CENPF: variants seen among roughly 807,000 people sequenced by gnomAD.
CENPF encodes the protein AH antigen.
Under a neutral mutation model 307.3 loss-of-function variants are expected in CENPF, and 214 were observed. That is an observed-to-expected ratio of 0.70 (90% CI 0.62 to 0.78). The LOEUF (loss-of-function observed/expected upper bound fraction) is 0.78, where lower values mean the gene tolerates loss of function less well. Ranked by LOEUF, CENPF falls within the 30% of genes least tolerant of loss-of-function variation. The pLI, the probability that CENPF is intolerant of heterozygous loss-of-function variation, is 0.00. For synonymous variants in CENPF, 1,259 were observed against 1,270.6 expected, an observed-to-expected ratio of 0.99 and a Z score of 0.19; for missense variants, 3,401 against 3,483.9, an observed-to-expected ratio of 0.98 and a Z score of 0.60.
In CENPF at chr1:214,664,006, T is replaced by A. The variant is rs1311546843; in HGVS notation, c.*212T>A. On this transcript the variant is annotated 3_prime_UTR_variant, in exon 20 of 20. Transcript: ENST00000366955. ...GATCACCTGTTAGCATTGCCATTCC[T>A]CTACTGCAATGTAAATAGTATAAAG... The A allele has an allele frequency of 9.2e-6, 5 of 545,374 alleles. No individual in the cohort carries two copies. Among genetic ancestry groups the A allele is most frequent in the Non-Finnish European group, 1.3e-5 (4 of 308,228 alleles). 33.8% of individuals were successfully genotyped at this position (545,374 alleles called of 1,614,324 possible).
chr1:214,628,636 G>T (rs745464788), intron 7 of CENPF, among the ~76,000 whole-genome samples: 1 of 152,142 alleles, frequency 6.6e-6, no homozygotes, highest in Non-Finnish European at 1.5e-5. Context: ...TAGAGACGGC[G>T]TTTCACCATG....
At chr1:214,655,979 T>G (rs1265776624) in intron 17 of CENPF, among the ~76,000 whole-genome samples, 3 of 152,206 alleles carry the variant, frequency 2.0e-5, no homozygotes, top group Admixed American at 1.3e-4. Flanking sequence ...TAATGAGCCA[T>G]TCTAAGAAGA....
Position 214,637,899 on chromosome 1 carries a change from C to A in CENPF, c.1480C>A (p.His494Asn). 1 of 1,612,904 alleles carries A rather than the reference C, an allele frequency of 6.2e-7. No individual in the cohort carries two copies. Among genetic ancestry groups the A allele is most frequent in the South Asian group, 1.1e-5 (1 of 90,768 alleles). ...MKKENNLLKSHSEQKAREVCH... is the reference protein window; with the variant it reads ...MKKENNLLKSNSEQKAREVCH... ...GAAGGAAAACAACCTCCTTAAGAGTCACTCTGAGCAAAAGGCCAGAGAAGT... is the reference window on the plus strand; with the variant it reads ...GAAGGAAAACAACCTCCTTAAGAGTAACTCTGAGCAAAAGGCCAGAGAAGT... The change falls in exon 11 of 20, where the codon CAC becomes AAC. Residue 494 changes from histidine (H) to asparagine (N), a missense_variant. By Grantham distance (68) the His-to-Asn change is moderately conservative (BLOSUM62 1). Coordinates refer to ENST00000366955, the MANE Select transcript of CENPF (RefSeq NM_016343.4).
rs1222475039 is a variant in CENPF at position 214,607,720 on chromosome 1, C to T, written c.-42+4399C>T. Among the ~76,000 whole-genome samples the T allele has an allele frequency of 5.3e-5, 8 of 152,160 alleles. No homozygotes were observed. In the East Asian group the frequency reaches 1.5e-3, roughly 29 times the overall value. Reference sequence around the variant, plus strand: ...CAAAGCAGCACTGGCCCGGGCGGTGCTCAAACACCAGTGAAGGCCCCAGGC... The same window carrying T: ...CAAAGCAGCACTGGCCCGGGCGGTGTTCAAACACCAGTGAAGGCCCCAGGC... On this transcript the variant is annotated intron_variant, in intron 1 of 19. Coordinates refer to ENST00000366955, the MANE Select transcript of CENPF (RefSeq NM_016343.4).
chr1:214,641,340 C>G lies in CENPF; in HGVS notation c.3002C>G (p.Ala1001Gly). The G allele has an allele frequency of 1.9e-6, 3 of 1,611,902 alleles. No homozygotes were observed. Among genetic ancestry groups the G allele is most frequent in the Non-Finnish European group, 2.5e-6 (3 of 1,179,462 alleles). Residue 1001 changes from alanine to glycine, a missense_variant, in exon 12 of 20, where the codon GCA becomes GGA. Transcript: ENST00000366955. The stretch of plus-strand genomic sequence containing the variant: ...TTAATCCAGAAAAGTGAGAGTTTTG[C>G]AAACTATATAGATGAAAGGGAGAAA... The part of the protein sequence containing the change: ...MNLIQKSESF[A>G]NYIDEREKSI...
intron 15 of CENPF, among the ~76,000 whole-genome samples, chr1:214,652,566 C>T (rs1260015727): frequency 6.6e-6 from 1 of 151,396 alleles, no homozygotes; most frequent in Non-Finnish European, 1.5e-5. Context: ...GTCTCAGCCT[C>T]CCGAGTAGCT....
At chr1:214,662,579 C>T (rs943458715) in intron 19 of CENPF, among the ~76,000 whole-genome samples, 14 of 152,190 alleles carry the variant, frequency 9.2e-5, no homozygotes, top group African/African-American at 2.7e-4. Flanking sequence ...GTGTCTGTCA[C>T]GTAGTTACTT....
In CENPF at chr1:214,639,845, C is replaced by CG. The variant is rs1658057390; in HGVS notation, c.1583-70dup. 6.6e-6 allele frequency: 6 copies of CG among 915,694 alleles called. No individual in the cohort carries two copies. The African/African-American group carries it at 8.2e-5, about 12-fold the overall frequency. 56.7% of individuals were successfully genotyped at this position (915,694 alleles called of 1,614,324 possible). A position where few individuals can be genotyped will look rare whatever the true frequency, so the allele number is the denominator to read the frequency against. On this transcript the variant is annotated intron_variant, in intron 11 of 19. Coordinates refer to ENST00000366955, the MANE Select transcript of CENPF (RefSeq NM_016343.4). ...AGTTTGTTTGGATTTTGCCAGGGGGCGGGGGGAGGGGTTAGCGTTTCTGTA... is the reference window on the plus strand; with the variant it reads ...AGTTTGTTTGGATTTTGCCAGGGGGCGGGGGGGAGGGGTTAGCGTTTCTGTA...
At chr1:214,638,728 G>A (rs1408358233) in intron 11 of CENPF, among the ~76,000 whole-genome samples, 2 of 152,172 alleles carry the variant, frequency 1.3e-5, no homozygotes, top group Non-Finnish European at 2.9e-5. Flanking sequence ...GCTGAGGCAG[G>A]AGAATGGCAT....
At position 214,642,834 on chromosome 1, in the gene CENPF, T is replaced by G. The variant is rs757965089; in HGVS notation, c.4496T>G (p.Leu1499Arg). ...SLGDSSFYRALLEQTGDMSLL... is the reference protein window; with the variant it reads ...SLGDSSFYRARLEQTGDMSLL... ...GGAGACTCCTCCTTTTACAGAGCTC[T>G]TTTAGAACAGACAGGAGATATGTCT... The change falls in exon 12 of 20, where the codon CTT becomes CGT. Residue 1499 changes from leucine to arginine, a missense_variant. Coordinates refer to ENST00000366955, the MANE Select transcript of CENPF (RefSeq NM_016343.4). 1.4e-5 allele frequency: 23 copies of G among 1,614,034 alleles called. No individual in the cohort carries two copies. The highest frequency in any genetic ancestry group is 1.9e-5 in the Non-Finnish European group (23 of 1,179,992).
rs142718897 is a variant in CENPF at position 214,641,714 on chromosome 1, G to A, written c.3376G>A (p.Gly1126Ser). The A allele has an allele frequency of 6.3e-7, 1 of 1,579,250 alleles. No individual in the cohort carries two copies. Among genetic ancestry groups the A allele is most frequent in the Non-Finnish European group, 8.6e-7 (1 of 1,166,538 alleles). Residue 1126 changes from glycine to serine, a missense_variant, in exon 12 of 20, where the codon GGT becomes AGT. By Grantham distance (56) the Gly-to-Ser change is moderately conservative. Coordinates refer to ENST00000366955, the MANE Select transcript of CENPF (RefSeq NM_016343.4). ...DNQNNSKSEAGGLKQEIMTLK... is the reference protein window; with the variant it reads ...DNQNNSKSEASGLKQEIMTLK... ...CCAAAACAATTCTAAGAGCGAGGCT[G>A]GTGGTTTAAAGCAAGAAATCATGAC...
chr1:214,663,474 T>C (rs766108605), intron 19 of CENPF, 117 bp from the exon 20 acceptor site: 10 of 995,820 alleles, frequency 1.0e-5, no homozygotes, highest in African/African-American at 3.3e-5. Context: ...ACTTCAATTA[T>C]ATATAACTCC....
At chr1:214,644,147 C>T (rs991048660) in intron 12 of CENPF, among the ~76,000 whole-genome samples, 1 of 152,190 alleles carries the variant, frequency 6.6e-6, no homozygotes, top group African/African-American at 2.4e-5. Context: ...GGTTATGAAA[C>T]TTTACTGCCT....
chr1:214,628,728 A>G (rs1232238476), intron 7 of CENPF, among the ~76,000 whole-genome samples: 2 of 152,262 alleles, frequency 1.3e-5, no homozygotes, highest in South Asian at 2.1e-4. Context: ...CTTGAAACAG[A>G]CTATCATATG....
chr1:214,632,617 T>G lies in CENPF; in HGVS notation c.1446+15T>G, dbSNP rs1261992958. ...GAAGCATGGAGGTAAGGGAGGAGGATGCCGAATTTTCTCCACTTATGTAAG... is the reference window on the plus strand; with the variant it reads ...GAAGCATGGAGGTAAGGGAGGAGGAGGCCGAATTTTCTCCACTTATGTAAG... On this transcript the variant is annotated intron_variant, in intron 10 of 19. Coordinates refer to ENST00000366955, the MANE Select transcript of CENPF (RefSeq NM_016343.4). 1.2e-6 allele frequency: 2 copies of G among 1,611,034 alleles called. No individual in the cohort carries two copies. Among genetic ancestry groups the G allele is most frequent in the South Asian group, 1.1e-5 (1 of 90,234 alleles).
intron 14 of CENPF, among the ~76,000 whole-genome samples, chr1:214,649,925 A>T (rs1658416915): frequency 6.6e-6 from 1 of 152,240 alleles, no homozygotes; most frequent in South Asian, 2.1e-4. Context: ...AGGTCAGGGG[A>T]TAGACTATTG....
rs750753836 is a variant in CENPF, at chr1:214,632,548, A to ACAGG, written c.1394_1397dup (p.Phe467GlyfsTer11). The ACAGG allele has an allele frequency of 2.5e-6, 4 of 1,614,192 alleles. No homozygotes were observed. The South Asian group carries it at 4.4e-5, about 18-fold the overall frequency. On this transcript the variant is annotated frameshift_variant, in exon 10 of 20. Coordinates refer to ENST00000366955, the MANE Select transcript of CENPF (RefSeq NM_016343.4). LOFTEE classifies it high-confidence loss of function. The stretch of plus-strand genomic sequence containing the variant: ...TTAAGCAAAAGTTGTGCAGAGCTGA[A>ACAGG]CAGGCGTTCCAGGCGAGTCAGATCA...
At chr1:214,652,495 G>C (rs1237660688) in intron 15 of CENPF, among the ~76,000 whole-genome samples, 1 of 142,400 alleles carries the variant, frequency 7.0e-6, no homozygotes, top group Non-Finnish European at 1.5e-5. Context: ...CCAGGCTAGA[G>C]TGCAGTGGCA....
At chr1:214,662,734 TGC>T (rs1658819345) in intron 19 of CENPF, among the ~76,000 whole-genome samples, 1 of 152,156 alleles carries the variant, frequency 6.6e-6, no homozygotes, top group Admixed American at 6.5e-5. Context: ...TCATTTTTCT[TGC>T]ACTTTTTTCT....
Sources: gnomAD v4.1 joint callset for allele counts (sites outside exome capture counted in the v4.1 genomes callset) on GRCh38, gnomAD v4.1.1 for gene constraint, MANE v1.5 for transcripts, NCBI Gene and HGNC (gene_info 2026-07-23, HGNC 2026-07-21) for gene names.